Variants in NLGN1 observed in about 807,000 individuals in gnomAD.
NLGN1 encodes neuroligin-1.
Under a neutral mutation model 65.5 loss-of-function variants are expected in NLGN1, and 12 were observed. The observed-to-expected ratio is 0.18, with a 90% CI of 0.12 to 0.30. The LOEUF (loss-of-function observed/expected upper bound fraction) is 0.30. NLGN1 is among the 10% of genes least tolerant of loss of function. The pLI, the probability that NLGN1 is intolerant of heterozygous loss-of-function variation, is 1.00. For missense variants in NLGN1, 750 were observed against 1,007.1 expected, an observed-to-expected ratio of 0.74 and a Z score of 3.46; for synonymous variants, 350 against 359.5, an observed-to-expected ratio of 0.97 and a Z score of 0.30.
At chr3:173,599,310 G>A (rs1345800713) in intron 2 of NLGN1, among the ~76,000 whole-genome samples, 1 of 152,086 alleles carries the variant, frequency 6.6e-6, no homozygotes, top group Non-Finnish European at 1.5e-5. Context: ...AATACAGTAT[G>A]GCAACAGCAG....
Position 173,493,663 on chromosome 3 carries a change from T to C in NLGN1, c.-321+58585T>C, listed in dbSNP as rs74892093. Among the ~76,000 whole-genome samples the C allele has an allele frequency of 3.1e-4, 47 of 151,798 alleles. No individual in the cohort carries two copies. The East Asian group carries it at 8.3e-3, about 27-fold the overall frequency. ...AACTTATATATTACAGATGAGAAAA[T>C]TGAGGCACAGAAGGCCAAATACTTT... On this transcript the variant is annotated intron_variant, in intron 2 of 6. Transcript: ENST00000457714.
chr3:173,553,548 G>T (rs1243878934), intron 2 of NLGN1, among the ~76,000 whole-genome samples: 2 of 152,190 alleles, frequency 1.3e-5, no homozygotes, highest in African/African-American at 4.8e-5. Context: ...TGTTGAAAGA[G>T]CCTCATAAGT....
At chr3:173,611,159 A>G (rs1397350558) in intron 3 of NLGN1, among the ~76,000 whole-genome samples, 2 of 151,964 alleles carry the variant, frequency 1.3e-5, no homozygotes, top group Non-Finnish European at 2.9e-5. Flanking sequence ...CAATTGTTTG[A>G]TGTGTAATGT....
rs1442404837 is a variant in NLGN1, at chr3:173,633,685, T to C, written c.493+28594T>C. Among the ~76,000 whole-genome samples the C allele has an allele frequency of 2.0e-5, 3 of 152,282 alleles. No individual in the cohort carries two copies. The East Asian group carries it at 5.8e-4, about 29-fold the overall frequency. Reference sequence around the variant, plus strand: ...AAGGTAGGCCAGCCCTTTGGGCTTTTCTGAGAAACAGCTTCTCTAAGAAAA... The same window carrying C: ...AAGGTAGGCCAGCCCTTTGGGCTTTCCTGAGAAACAGCTTCTCTAAGAAAA... On this transcript the variant is annotated intron_variant, in intron 3 of 6. Transcript: ENST00000457714.
intron 2 of NLGN1, among the ~76,000 whole-genome samples, chr3:173,545,058 T>A (rs12491932): frequency 0.39 from 55,698 of 143,432 alleles, 11,410 homozygotes; most frequent in East Asian, 0.8. Context: ...GTGTGTGTGG[T>A]TGTTTTTTTT....
At chr3:174,038,403 G>T (rs1464244030) in intron 4 of NLGN1, among the ~76,000 whole-genome samples, 1 of 152,120 alleles carries the variant, frequency 6.6e-6, no homozygotes, top group African/African-American at 2.4e-5. Flanking sequence ...TTGACAAGGA[G>T]TCTATGTCAT....
intron 3 of NLGN1, among the ~76,000 whole-genome samples, chr3:173,706,697 C>T (rs893016025): frequency 3.9e-5 from 6 of 152,158 alleles, no homozygotes; most frequent in African/African-American, 9.7e-5. Flanking sequence ...AGGGTATTTA[C>T]GTACAGATAT....
At chr3:173,460,762 A>AT (rs537242129) in intron 2 of NLGN1, among the ~76,000 whole-genome samples, 14 of 152,202 alleles carry the variant, frequency 9.2e-5, no homozygotes, top group African/African-American at 2.4e-4. Context: ...TTTATAATCC[A>AT]TTTTTTTGAT....
chr3:174,137,824 G>T (rs1429945530), intron 4 of NLGN1, among the ~76,000 whole-genome samples: 2 of 152,088 alleles, frequency 1.3e-5, no homozygotes, highest in East Asian at 3.9e-4. Flanking sequence ...GTAGAAAGGG[G>T]CATTACTATC....
chr3:173,902,247 G>A (rs1737517002), intron 4 of NLGN1, among the ~76,000 whole-genome samples: 1 of 152,070 alleles, frequency 6.6e-6, no homozygotes, highest in Non-Finnish European at 1.5e-5. Context: ...TCCATTAAAA[G>A]GAGGTGAGTT....
intron 4 of NLGN1, among the ~76,000 whole-genome samples, chr3:174,220,870 CAA>C (rs1170271536): frequency 1.3e-5 from 2 of 152,164 alleles, no homozygotes; most frequent in African/African-American, 2.4e-5. Flanking sequence ...CTGCAATCTG[CAA>C]AGAGAGCCAC....
chr3:174,107,005 CACACACACACACAGAGAGAGAG>C (rs1227061529), intron 4 of NLGN1, among the ~76,000 whole-genome samples: 4 of 119,180 alleles, frequency 3.4e-5, no homozygotes, highest in African/African-American at 1.6e-4. Context: ...CACACACACA[CACACACACACACAGAGAGAGAG>C]AGAGAGAGAG....
chr3:174,248,672 A>C (rs1483303938), intron 4 of NLGN1, among the ~76,000 whole-genome samples: 1 of 152,142 alleles, frequency 6.6e-6, no homozygotes, highest in African/African-American at 2.4e-5. Context: ...GAGACACGAG[A>C]ATCGCTTGAA....
At chr3:173,826,961 G>A (rs1256436331) in intron 4 of NLGN1, among the ~76,000 whole-genome samples, 1 of 152,014 alleles carries the variant, frequency 6.6e-6, no homozygotes, top group Non-Finnish European at 1.5e-5. Flanking sequence ...TATTTCATCA[G>A]CAAGTAATAT....
At chr3:173,800,165 C>A in intron 3 of NLGN1, 1 of 205,330 alleles carries the variant, frequency 4.9e-6, no homozygotes, top group Non-Finnish European at 9.5e-6. Flanking sequence ...ATGATGTGAC[C>A]ACTTCCCCAC....
chr3:174,008,444 T>C (rs545214363), intron 4 of NLGN1, among the ~76,000 whole-genome samples: 4 of 147,410 alleles, frequency 2.7e-5, no homozygotes, highest in Admixed American at 2.1e-4. Context: ...AGAAAACTCC[T>C]GAGTTCCCAT....
At chr3:173,562,703 C>T (rs1159717304) in intron 2 of NLGN1, among the ~76,000 whole-genome samples, 1 of 152,146 alleles carries the variant, frequency 6.6e-6, no homozygotes, top group African/African-American at 2.4e-5. Flanking sequence ...GGATATTCCT[C>T]ATCTCGACAT....
chr3:173,980,098 T>G (rs548992297), intron 4 of NLGN1, among the ~76,000 whole-genome samples: 2 of 152,196 alleles, frequency 1.3e-5, no homozygotes, highest in South Asian at 4.1e-4. Context: ...ACAAATACAC[T>G]GGGTTGTACC....
At chr3:173,510,543 T>G (rs1732767877) in intron 2 of NLGN1, among the ~76,000 whole-genome samples, 1 of 152,168 alleles carries the variant, frequency 6.6e-6, no homozygotes, top group Admixed American at 6.5e-5. Flanking sequence ...GCCTAAAAAA[T>G]TGTTTTATTG....
Sources: gnomAD v4.1 joint callset for allele counts (sites outside exome capture counted in the v4.1 genomes callset) on GRCh38, gnomAD v4.1.1 for gene constraint, MANE v1.5 for transcripts, NCBI Gene and HGNC (gene_info 2026-07-23, HGNC 2026-07-21) for gene names.